The following FGGY variants were observed in gnomAD, a reference collection of about 807,000 sequenced individuals.
FGGY encodes FGGY carbohydrate kinase domain containing.
FGGY carries 72 observed loss-of-function variants against 71.3 expected under a neutral mutation model. The ratio of observed to expected loss-of-function variants is 1.01; its 90% confidence interval spans 0.84 to 1.23. FGGY has a LOEUF of 1.23. FGGY is among the 50% of genes most tolerant of loss of function. FGGY has a pLI of 0.00. For synonymous variants in FGGY, 251 were observed against 250.3 expected (o/e 1.00, Z -0.02); for missense variants, 668 against 682.3 (o/e 0.98, Z 0.23).
At chr1:59,412,602 T>A (rs1449016859) in intron 5 of FGGY, among the ~76,000 whole-genome samples, 1 of 152,206 alleles carries the variant, frequency 6.6e-6, no homozygotes. Flanking sequence ...CTCTATAATC[T>A]CTTAACTTTC....
chr1:59,478,843 GC>G (rs1470418340), intron 6 of FGGY, among the ~76,000 whole-genome samples: 1 of 152,200 alleles, frequency 6.6e-6, no homozygotes, highest in Non-Finnish European at 1.5e-5. Context: ...GGATGTACCT[GC>G]CAAGGGCAGG....
At chr1:59,732,974 T>C (rs1358453933) in intron 14 of FGGY, among the ~76,000 whole-genome samples, 1 of 152,114 alleles carries the variant, frequency 6.6e-6, no homozygotes, top group Non-Finnish European at 1.5e-5. Flanking sequence ...CTGGCTTCTG[T>C]TCATTCGCTC....
chr1:59,450,690 A>G (rs963966189), intron 5 of FGGY, among the ~76,000 whole-genome samples: 18 of 152,232 alleles, frequency 1.2e-4, no homozygotes, highest in African/African-American at 3.8e-4. Context: ...TTTAAATTTT[A>G]GAAGCTCTTG....
chr1:59,478,610 G>T (rs538878477), intron 6 of FGGY, among the ~76,000 whole-genome samples: 2 of 152,338 alleles, frequency 1.3e-5, no homozygotes, highest in South Asian at 4.1e-4. Flanking sequence ...TTAAATAAAA[G>T]AGGGCAAGAT....
rs2096714835 is a variant in FGGY at position 59,613,546 on chromosome 1, G to A, written c.1011+5636G>A. The stretch of plus-strand genomic sequence containing the variant: ...ACTAAATGCCCACAAGAGAAAGCAG[G>A]AAAGGTGTAAAATTGACACCCTAAC... On this transcript the variant is annotated intron_variant, in intron 9 of 15. Transcript: ENST00000303721. Among the ~76,000 whole-genome samples, 3 of 152,138 alleles carry A rather than the reference G, an allele frequency of 2.0e-5. No individual in the cohort carries two copies. In the South Asian group the frequency reaches 6.2e-4, roughly 31 times the overall value.
intron 5 of FGGY, among the ~76,000 whole-genome samples, chr1:59,408,309 A>G (rs539615570): frequency 1.3e-5 from 2 of 152,312 alleles, no homozygotes; most frequent in East Asian, 3.9e-4. Flanking sequence ...TTTCTAAGCA[A>G]CCTAGAATAA....
chr1:59,656,452 T>C (rs1454697258), intron 11 of FGGY, among the ~76,000 whole-genome samples: 1 of 152,236 alleles, frequency 6.6e-6, no homozygotes, highest in East Asian at 1.9e-4. Flanking sequence ...GCAGTCTTCA[T>C]GGCACTCCTT....
rs1448368293 is a variant in FGGY at position 59,650,915 on chromosome 1, G to A, written c.1222-9304G>A. Among the ~76,000 whole-genome samples the A allele has an allele frequency of 3.3e-5, 5 of 150,768 alleles. No homozygotes were observed. The East Asian group carries it at 7.7e-4, about 23-fold the overall frequency. Reference sequence around the variant, plus strand: ...TGCTATAAATTTCCCTCTACACACTGCTTTGAATGTGTCCCAGAGATTCTG... The same window carrying A: ...TGCTATAAATTTCCCTCTACACACTACTTTGAATGTGTCCCAGAGATTCTG... On this transcript the variant is annotated intron_variant, in intron 11 of 15. Coordinates refer to ENST00000303721, the MANE Select transcript of FGGY (RefSeq NM_018291.5).
chr1:59,439,412 CA>C (rs2153474754), intron 5 of FGGY, among the ~76,000 whole-genome samples: 1 of 152,230 alleles, frequency 6.6e-6, no homozygotes, highest in Admixed American at 6.5e-5. Context: ...TGAAATGAAT[CA>C]CAGAATCATT....
chr1:59,512,466 C>T (rs766050010), intron 7 of FGGY, 27 bp downstream of exon 7: 3 of 1,606,872 alleles, frequency 1.9e-6, no homozygotes, highest in Non-Finnish European at 2.6e-6. Flanking sequence ...TGCCTACAGC[C>T]AAAACCGTAT....
chr1:59,535,121 A>G (rs1271466629), intron 7 of FGGY, among the ~76,000 whole-genome samples: 2 of 152,204 alleles, frequency 1.3e-5, no homozygotes, highest in African/African-American at 4.8e-5. Flanking sequence ...GACTCAAAAT[A>G]AAAGGATGGA....
chr1:59,549,574 A>G (rs1021434668), intron 7 of FGGY, among the ~76,000 whole-genome samples: 2 of 152,192 alleles, frequency 1.3e-5, no homozygotes, highest in Non-Finnish European at 2.9e-5. Flanking sequence ...TTTTCTAAGG[A>G]CTAATTGAAG....
chr1:59,622,633 G>C (rs2096821513), intron 9 of FGGY, among the ~76,000 whole-genome samples: 1 of 152,134 alleles, frequency 6.6e-6, no homozygotes. Flanking sequence ...GCACAGTGTT[G>C]CATTCCCTTT....
At chr1:59,425,334 A>AAGTGTGTTTTGGGG (rs2066163073) in intron 5 of FGGY, among the ~76,000 whole-genome samples, 1 of 152,126 alleles carries the variant, frequency 6.6e-6, no homozygotes, top group Non-Finnish European at 1.5e-5. Context: ...ATGGCCTTTT[A>AAGTGTGTTTTGGGG]AGTGTGTTTT....
chr1:59,406,736 A>G (rs967673108), intron 5 of FGGY, among the ~76,000 whole-genome samples: 1 of 152,210 alleles, frequency 6.6e-6, no homozygotes, highest in Non-Finnish European at 1.5e-5. Context: ...ACCAAAAATA[A>G]TAAGGTCAGC....
chr1:59,336,247 A>G (rs1329549513), intron 2 of FGGY, among the ~76,000 whole-genome samples: 1 of 152,126 alleles, frequency 6.6e-6, no homozygotes, highest in African/African-American at 2.4e-5. Flanking sequence ...CCTTTCCCCC[A>G]TTAAATTATA....
At chr1:59,354,159 C>G (rs141220413) in intron 4 of FGGY, among the ~76,000 whole-genome samples, 10 of 152,158 alleles carry the variant, frequency 6.6e-5, no homozygotes, top group African/African-American at 2.4e-4. Flanking sequence ...CTCATTGGAA[C>G]CTTTGCCTCC....
intron 12 of FGGY, among the ~76,000 whole-genome samples, chr1:59,663,960 T>C (rs2097300963): frequency 6.6e-6 from 1 of 152,252 alleles, no homozygotes. Flanking sequence ...TTTGTAGGGG[T>C]GAAATGAAAT....
intron 14 of FGGY, among the ~76,000 whole-genome samples, chr1:59,722,815 G>A (rs750816863): frequency 6.6e-6 from 1 of 151,998 alleles, no homozygotes; most frequent in Non-Finnish European, 1.5e-5. Flanking sequence ...TGTTTTGTCT[G>A]TGTGACGGAG....
Sources: gnomAD v4.1 joint callset for allele counts (sites outside exome capture counted in the v4.1 genomes callset) on GRCh38, gnomAD v4.1.1 for gene constraint, MANE v1.5 for transcripts, NCBI Gene and HGNC (gene_info 2026-07-23, HGNC 2026-07-21) for gene names.